The following NAV3 variants were observed in gnomAD, a reference collection of about 807,000 sequenced individuals.
NAV3 encodes the protein pore membrane and/or filament interacting like protein 1.
In NAV3, 87 loss-of-function variants were observed where a neutral mutation model predicts 244.7. The observed-to-expected ratio is 0.36, with a 90% CI of 0.30 to 0.42. The LOEUF (loss-of-function observed/expected upper bound fraction) is 0.42. Among genes scored for constraint, NAV3 ranks in the 20% least tolerant of loss-of-function variants. The pLI, the probability that NAV3 is intolerant of heterozygous loss-of-function variation, is 1.00. For synonymous variants in NAV3, 1,126 were observed against 1,042.2 expected (o/e 1.08, Z -1.55); for missense variants, 2,663 against 2,893.3 (o/e 0.92, Z 1.83).
chr12:78,088,991 C>T (rs1953781374), intron 12 of NAV3, among the ~76,000 whole-genome samples: 1 of 152,148 alleles, frequency 6.6e-6, no homozygotes, highest in Non-Finnish European at 1.5e-5. Context: ...CTAATAGTTG[C>T]TCATTGATCT....
chr12:77,979,162 T>C (rs1201265945), intron 5 of NAV3, among the ~76,000 whole-genome samples: 1 of 149,140 alleles, frequency 6.7e-6, no homozygotes, highest in Non-Finnish European at 1.5e-5. Context: ...TCACCTGAGG[T>C]CAGGAGTTCC....
intron 34 of NAV3, among the ~76,000 whole-genome samples, chr12:78,194,746 A>G (rs1959129204): frequency 6.6e-6 from 1 of 151,998 alleles, no homozygotes; most frequent in Non-Finnish European, 1.5e-5. Flanking sequence ...CACAAAACAC[A>G]TATTCTTAGC....
chr12:78,131,802 G>A (rs534466750), intron 18 of NAV3, among the ~76,000 whole-genome samples: 87 of 152,276 alleles, frequency 5.7e-4, no homozygotes, highest in African/African-American at 1.9e-3. Context: ...TGTAAAGATG[G>A]AGAAGTGTGT....
At chr12:77,788,671 C>G (rs1871024135) in intron 2 of NAV3, among the ~76,000 whole-genome samples, 2 of 151,538 alleles carry the variant, frequency 1.3e-5, no homozygotes, top group Admixed American at 6.6e-5. Flanking sequence ...TCCCACCCCC[C>G]TTTTCTTCCT....
At chr12:78,045,211 C>T (rs889620808) in intron 9 of NAV3, among the ~76,000 whole-genome samples, 1 of 152,100 alleles carries the variant, frequency 6.6e-6, no homozygotes, top group African/African-American at 2.4e-5. Flanking sequence ...AATTGGTTCT[C>T]TTTATGTGAT....
chr12:77,928,254 G>T (rs1297076201), intron 1 of NAV3, among the ~76,000 whole-genome samples: 2 of 150,802 alleles, frequency 1.3e-5, no homozygotes, highest in Non-Finnish European at 3.0e-5. Context: ...GAGAGAGAGG[G>T]AAGGAAAATG....
At chr12:77,903,887 T>A (rs1358090731) in intron 1 of NAV3, among the ~76,000 whole-genome samples, 1 of 151,972 alleles carries the variant, frequency 6.6e-6, no homozygotes, top group Non-Finnish European at 1.5e-5. Flanking sequence ...AAAAGACACA[T>A]GAAAAAATGC....
chr12:78,177,582 A>C (rs370475945), intron 27 of NAV3, 38 bp from the exon 28 acceptor site: 1 of 1,565,654 alleles, frequency 6.4e-7, no homozygotes, highest in South Asian at 1.1e-5. Flanking sequence ...TTTCATGGGC[A>C]TTTGTCCATG....
At chr12:78,172,988 T>G (rs404631) in intron 24 of NAV3, among the ~76,000 whole-genome samples, 145,848 of 151,658 alleles carry the variant, frequency 0.96, 70,263 homozygotes, top group East Asian at 1. Flanking sequence ...TGCTGTAAAG[T>G]TTATGTTGGT....
intron 2 of NAV3, among the ~76,000 whole-genome samples, chr12:77,642,013 G>A (rs1011298246): frequency 1.3e-5 from 2 of 152,078 alleles, no homozygotes; most frequent in Admixed American, 1.3e-4. Context: ...CGGCAGCCAG[G>A]CCTAGAGAAA....
chr12:77,884,393 T>A (rs1186163886), intron 1 of NAV3, among the ~76,000 whole-genome samples: 3 of 152,100 alleles, frequency 2.0e-5, no homozygotes, highest in Non-Finnish European at 2.9e-5. Flanking sequence ...GGCTCAAAGA[T>A]ACTGGTAGTG....
intron 2 of NAV3, among the ~76,000 whole-genome samples, chr12:77,761,886 A>G (rs1012175990): frequency 3.3e-5 from 5 of 152,268 alleles, no homozygotes; most frequent in Non-Finnish European, 5.9e-5. Context: ...TCAAGGATCT[A>G]GAACCAGAAA....
chr12:78,200,444 A>T (rs2140028432), intron 37 of NAV3, 29 bp from the exon 38 acceptor site: 1 of 1,355,834 alleles, frequency 7.4e-7, no homozygotes, highest in African/African-American at 1.5e-5. Context: ...TATAACTCTT[A>T]AAATATTTTG....
rs371625226 is a variant in NAV3, at chr12:78,041,077, A to G, written c.2024-8916A>G. On this transcript the variant is annotated intron_variant, in intron 9 of 39. Coordinates refer to ENST00000397909, the MANE Select transcript of NAV3 (RefSeq NM_001024383.2). ...GAGGAGAAGTATGGGAAGAATTTCC[A>G]GGAAGAATGTGATCAGTCTCAAGGG... 2.8e-4 allele frequency among the ~76,000 whole-genome samples: 43 copies of G among 152,328 alleles called. No individual in the cohort carries two copies. The South Asian group carries it at 8.9e-3, about 32-fold the overall frequency.
chr12:78,202,709 CTTTTTGGGG>C (rs1959845184), intron 38 of NAV3, among the ~76,000 whole-genome samples: 1 of 151,934 alleles, frequency 6.6e-6, no homozygotes, highest in Non-Finnish European at 1.5e-5. Flanking sequence ...TGATTTAGGG[CTTTTTGGGG>C]GAGGGGAATC....
intron 2 of NAV3, among the ~76,000 whole-genome samples, chr12:77,810,996 C>G (rs1055804338): frequency 3.9e-5 from 6 of 152,072 alleles, no homozygotes; most frequent in Non-Finnish European, 8.8e-5. Context: ...ATATACAAGG[C>G]AATTTGATTT....
At chr12:77,942,971 A>C (rs1171016057) in intron 3 of NAV3, among the ~76,000 whole-genome samples, 3 of 152,192 alleles carry the variant, frequency 2.0e-5, no homozygotes, top group Non-Finnish European at 4.4e-5. Flanking sequence ...AATAATATAA[A>C]ACATTTTAAG....
At chr12:77,922,073 T>C (rs1887763250) in intron 1 of NAV3, among the ~76,000 whole-genome samples, 1 of 152,154 alleles carries the variant, frequency 6.6e-6, no homozygotes. Context: ...TTTGTGTCAA[T>C]GAACTTGAAG....
intron 1 of NAV3, among the ~76,000 whole-genome samples, chr12:77,836,076 C>G (rs1346344943): frequency 6.6e-6 from 1 of 152,200 alleles, no homozygotes; most frequent in Non-Finnish European, 1.5e-5. Flanking sequence ...TTTCTAATCT[C>G]TCTCATATGG....
Sources: allele counts gnomAD v4.1 joint callset (sites outside exome capture counted in the v4.1 genomes callset), GRCh38; gene constraint gnomAD v4.1.1; transcripts MANE v1.5; gene names NCBI Gene and HGNC (gene_info 2026-07-23, HGNC 2026-07-21).